Variants in SNRPD3 observed in about 807,000 individuals in gnomAD.
SNRPD3 encodes the protein small nuclear ribonucleoprotein D3 polypeptide.
For synonymous variants in SNRPD3, 66 were observed against 58.4 expected, an observed-to-expected ratio of 1.13 and a Z score of -0.59; for missense variants, 73 against 167.5, an observed-to-expected ratio of 0.44 and a Z score of 3.11.
intron 3 of SNRPD3, 71 bp downstream of exon 3, chr22:24,568,247 C>A: frequency 8.3e-7 from 1 of 1,200,148 alleles, no homozygotes; most frequent in Non-Finnish European, 1.2e-6. Flanking sequence ...GGCCCTATTA[C>A]TGCCTGGAGA....
At chr22:24,560,428 CTTTTTTT>C (rs60835175) in intron 2 of SNRPD3, among the ~76,000 whole-genome samples, 6 of 49,096 alleles carry the variant, frequency 1.2e-4, no homozygotes, top group African/African-American at 4.8e-4. Context: ...AGCTTGCTTG[CTTTTTTT>C]TTTTTTTTTT....
intron 2 of SNRPD3, among the ~76,000 whole-genome samples, chr22:24,563,740 A>G (rs2045170180): frequency 6.6e-6 from 1 of 152,282 alleles, no homozygotes; most frequent in East Asian, 1.9e-4. Context: ...TGGGGCTTCA[A>G]CATGACCACC....
intron 1 of SNRPD3, among the ~76,000 whole-genome samples, chr22:24,556,285 A>G (rs2045061774): frequency 6.6e-6 from 1 of 152,000 alleles, no homozygotes; most frequent in South Asian, 2.1e-4. Context: ...GTATCTCTCC[A>G]GGTGAGTGTT....
rs59348518 is a variant in SNRPD3 at position 24,560,715 on chromosome 22, CTTTTTTTTTTTTTT to C, written c.126+2932_126+2945del. Among the ~76,000 whole-genome samples the C allele has an allele frequency of 9.4e-4, 93 of 98,846 alleles. 10 individuals carry two copies. The highest frequency in any genetic ancestry group is 4.2e-3 in the African/African-American group (93 of 22,370). 64.8% of individuals were successfully genotyped at this position (98,846 alleles called of 152,430 possible). The stretch of plus-strand genomic sequence containing the variant: ...ACAGGCGTGAGCCACTGCACCTGGC[CTTTTTTTTTTTTTT>C]TTTTTTTTTTTTTTTTGAGACAGAA... On this transcript the variant is annotated intron_variant, in intron 2 of 3. Transcript: ENST00000215829.
chr22:24,567,971 G>A lies in SNRPD3; in HGVS notation c.127-13G>A. On this transcript the variant is annotated splice_polypyrimidine_tract_variant and intron_variant, in intron 2 of 3. Transcript: ENST00000215829. ...GTTGACCGTTAACTTATTAGCTGGTGATTTCCTTCCAGATGTCCAACATCA... is the reference window on the plus strand; with the variant it reads ...GTTGACCGTTAACTTATTAGCTGGTAATTTCCTTCCAGATGTCCAACATCA... The A allele has an allele frequency of 6.3e-7, 1 of 1,587,750 alleles. No individual in the cohort carries two copies. The highest frequency in any genetic ancestry group is 8.6e-7 in the Non-Finnish European group (1 of 1,164,112).
intron 2 of SNRPD3, among the ~76,000 whole-genome samples, chr22:24,566,315 A>C (rs1197181516): frequency 6.6e-6 from 1 of 152,204 alleles, no homozygotes; most frequent in Non-Finnish European, 1.5e-5. Flanking sequence ...TCTGTGGCCC[A>C]GGCTAGGGTG....
intron 2 of SNRPD3, among the ~76,000 whole-genome samples, chr22:24,566,393 T>C (rs1351725137): frequency 6.6e-6 from 1 of 151,980 alleles, no homozygotes; most frequent in African/African-American, 2.4e-5. Flanking sequence ...CACCTCAGCT[T>C]CCCGAGTAGC....
intron 2 of SNRPD3, among the ~76,000 whole-genome samples, chr22:24,559,281 C>T (rs1357277029): frequency 6.6e-6 from 1 of 152,136 alleles, no homozygotes; most frequent in Non-Finnish European, 1.5e-5. Flanking sequence ...TCTGGTGACT[C>T]AGGTTTATTG....
intron 2 of SNRPD3, among the ~76,000 whole-genome samples, chr22:24,564,966 C>T (rs543474711): frequency 6.6e-6 from 1 of 151,208 alleles, no homozygotes; most frequent in East Asian, 1.9e-4. Context: ...TCACTGCAGC[C>T]TTGAACTCCT....
intron 3 of SNRPD3, among the ~76,000 whole-genome samples, chr22:24,570,362 C>T (rs904147302): frequency 6.6e-6 from 1 of 152,168 alleles, no homozygotes; most frequent in Non-Finnish European, 1.5e-5. Context: ...AGCTGGGAAC[C>T]ATAGATGAAA....
At chr22:24,560,705 T>G (rs2147120331) in intron 2 of SNRPD3, among the ~76,000 whole-genome samples, 1 of 136,704 alleles carries the variant, frequency 7.3e-6, no homozygotes, top group African/African-American at 2.8e-5. Context: ...CGTGAGCCAC[T>G]GCACCTGGCC....
chr22:24,569,170 A>G (rs1302940177), intron 3 of SNRPD3, among the ~76,000 whole-genome samples: 2 of 152,164 alleles, frequency 1.3e-5, no homozygotes, highest in African/African-American at 4.8e-5. Context: ...GCATGTACTT[A>G]GGGAGGTCTG....
chr22:24,571,685 A>G (rs895942108), intron 3 of SNRPD3, among the ~76,000 whole-genome samples: 3 of 151,666 alleles, frequency 2.0e-5, no homozygotes, highest in Admixed American at 2.0e-4. Context: ...TGGAGATTGC[A>G]GTGAGCCGAG....
chr22:24,560,388 C>T (rs1400208623), intron 2 of SNRPD3, among the ~76,000 whole-genome samples: 2 of 148,400 alleles, frequency 1.3e-5, no homozygotes, highest in Admixed American at 6.7e-5. Flanking sequence ...TCCCAAAGTG[C>T]TGGGATTACA....
At chr22:24,555,969 A>G, upstream of SNRPD3, 2 of 841,418 alleles carry the variant, frequency 2.4e-6, no homozygotes, top group Non-Finnish European at 3.7e-6. Context: ...CATTTTGGGA[A>G]AGAGTGGAAT....
chr22:24,556,557 C>G (rs1306393401), intron 1 of SNRPD3, among the ~76,000 whole-genome samples: 5 of 152,170 alleles, frequency 3.3e-5, no homozygotes, highest in African/African-American at 4.8e-5. Flanking sequence ...AGTCCCCTTT[C>G]AGGCAATGGT....
At chr22:24,563,125 T>C (rs1449931411) in intron 2 of SNRPD3, among the ~76,000 whole-genome samples, 1 of 152,048 alleles carries the variant, frequency 6.6e-6, no homozygotes, top group East Asian at 1.9e-4. Context: ...CCCAGCACTT[T>C]GGGAGGCTGG....
chr22:24,555,748 G>T (rs2045045354), upstream of SNRPD3: 1 of 1,550,646 alleles, frequency 6.4e-7, no homozygotes, highest in Non-Finnish European at 8.7e-7. Context: ...TTGGTGTGGG[G>T]TGCTTGGAAG....
rs2045263644 is a variant in SNRPD3 at position 24,573,125 on chromosome 22, G to A, written c.*1148G>A. On this transcript the variant is annotated 3_prime_UTR_variant, in exon 4 of 4. Coordinates refer to ENST00000215829, the MANE Select transcript of SNRPD3 (RefSeq NM_004175.5). ...AGGCTGAGGTGGGAGGATCACTTGA[G>A]CCTGGGAGTATGAGGCTGCAGTGAG... is the stretch of plus-strand genomic sequence containing the variant. 6.6e-6 allele frequency among the ~76,000 whole-genome samples: 1 copy of A among 151,660 alleles called. No homozygotes were observed. Among genetic ancestry groups the A allele is most frequent in the Non-Finnish European group, 1.5e-5 (1 of 67,902 alleles).
Sources: allele counts gnomAD v4.1 joint callset (sites outside exome capture counted in the v4.1 genomes callset), GRCh38; gene constraint gnomAD v4.1.1; transcripts MANE v1.5; gene names NCBI Gene and HGNC (gene_info 2026-07-23, HGNC 2026-07-21).